RIPOR3: variants seen among roughly 807,000 people sequenced by gnomAD.
RIPOR3 encodes the protein RIPOR family member 3.
Under a neutral mutation model 114.3 loss-of-function variants are expected in RIPOR3, and 95 were observed. The ratio of observed to expected loss-of-function variants is 0.83; its 90% confidence interval spans 0.70 to 0.99. RIPOR3 has a LOEUF of 0.99. Ranked by LOEUF, RIPOR3 falls within the 50% of genes least tolerant of loss-of-function variation. RIPOR3 has a pLI of 0.00. For synonymous variants in RIPOR3, 575 were observed against 543.8 expected (o/e 1.06, Z -0.80); for missense variants, 1,252 against 1,266.9 (o/e 0.99, Z 0.18).
Position 50,589,763 on chromosome 20 carries a change from G to A in RIPOR3, c.2584C>T (p.Leu862=). 1.2e-6 allele frequency: 2 copies of A among 1,613,034 alleles called. No homozygotes were observed. The highest frequency in any genetic ancestry group is 1.1e-5 in the South Asian group (1 of 90,902). ...TCTGCCAGGGCGTTGGTGTAGAACA[G>A]CAAAGCCTGGGGAGAGTAAGGAGGC... ...RNRSFREKAL[L]FYTNALAEND... The change falls in exon 20 of 22, where the codon CTG becomes TTG. Residue 862 remains leucine (L), a synonymous_variant. Coordinates refer to ENST00000327979, the MANE Select transcript of RIPOR3 (RefSeq NM_001290268.2).
chr20:50,606,727 C>CT lies in RIPOR3; in HGVS notation c.956+1661dup, dbSNP rs55820806. On this transcript the variant is annotated intron_variant, in intron 11 of 21. Coordinates refer to ENST00000327979, the MANE Select transcript of RIPOR3 (RefSeq NM_001290268.2). ...CCCACCCTGTGGAGTGCTTTCTTGCCTTTTTTTTTTTTCTTTTTCTCTGAG... is the reference window on the plus strand; with the variant it reads ...CCCACCCTGTGGAGTGCTTTCTTGCCTTTTTTTTTTTTTCTTTTTCTCTGAG... Among the ~76,000 whole-genome samples the CT allele has an allele frequency of 4.2e-3, 614 of 147,512 alleles. 4 individuals are homozygous for CT. The highest frequency in any genetic ancestry group is 0.014 in the African/African-American group (545 of 40,144).
At chr20:50,667,785 G>A (rs753840249) in intron 1 of RIPOR3, among the ~76,000 whole-genome samples, 1 of 152,208 alleles carries the variant, frequency 6.6e-6, no homozygotes, top group Admixed American at 6.5e-5. Flanking sequence ...CACAGCAGCC[G>A]TGGGAGTCAG....
intron 1 of RIPOR3, among the ~76,000 whole-genome samples, chr20:50,675,359 C>T: frequency 6.6e-6 from 1 of 152,190 alleles, no homozygotes; most frequent in East Asian, 1.9e-4. Context: ...GCACTAGGTT[C>T]TCTGCATTAT....
intron 1 of RIPOR3, among the ~76,000 whole-genome samples, chr20:50,688,899 A>G (rs1040705492): frequency 2.6e-5 from 4 of 152,152 alleles, no homozygotes; most frequent in African/African-American, 9.7e-5. Flanking sequence ...GGGAGCACTG[A>G]GGTTCTGATG....
intron 1 of RIPOR3, among the ~76,000 whole-genome samples, chr20:50,666,196 T>TTCCTTTCCTTCC: frequency 9.4e-6 from 1 of 106,778 alleles, no homozygotes; most frequent in African/African-American, 4.2e-5. Context: ...TCTTTTCTTT[T>TTCCTTTCCTTCC]CTTTTCTTTT....
At chr20:50,614,023 T>TTTCATTCATTCA (rs531219183) in intron 4 of RIPOR3, among the ~76,000 whole-genome samples, 21 of 151,934 alleles carry the variant, frequency 1.4e-4, no homozygotes, top group African/African-American at 4.6e-4. Flanking sequence ...TGCTTGCTTA[T>TTTCATTCATTCA]TTCATTCATT....
intron 1 of RIPOR3, among the ~76,000 whole-genome samples, chr20:50,687,076 G>C (rs957655214): frequency 6.6e-6 from 1 of 152,194 alleles, no homozygotes; most frequent in Non-Finnish European, 1.5e-5. Context: ...TTTCTGTTAG[G>C]GCATCATTCG....
intron 1 of RIPOR3, among the ~76,000 whole-genome samples, chr20:50,685,015 A>G (rs2086967925): frequency 6.6e-6 from 1 of 152,098 alleles, no homozygotes; most frequent in African/African-American, 2.4e-5. Flanking sequence ...CCTGGTCTCA[A>G]GCGATCCTCC....
At chr20:50,687,975 A>G (rs1222186370) in intron 1 of RIPOR3, among the ~76,000 whole-genome samples, 1 of 152,070 alleles carries the variant, frequency 6.6e-6, no homozygotes, top group Non-Finnish European at 1.5e-5. Flanking sequence ...AAAACTTACA[A>G]TACCTTTTCT....
At chr20:50,646,452 T>G (rs1448708776) in intron 1 of RIPOR3, among the ~76,000 whole-genome samples, 2 of 152,166 alleles carry the variant, frequency 1.3e-5, no homozygotes, top group African/African-American at 4.8e-5. Context: ...CAACTTTAAG[T>G]CAGATGGTTA....
rs11471486 is a variant in RIPOR3 at position 50,665,421 on chromosome 20, C to CTTTTTTTTTTTT, written c.3+25693_3+25704dup. Among the ~76,000 whole-genome samples the CTTTTTTTTTTTT allele has an allele frequency of 1.9e-4, 20 of 107,832 alleles. 1 individual carries two copies. Among genetic ancestry groups the CTTTTTTTTTTTT allele is most frequent in the East Asian group, 6.3e-4 (2 of 3,168 alleles). 70.7% of individuals were successfully genotyped at this position (107,832 alleles called of 152,430 possible). On this transcript the variant is annotated intron_variant, in intron 1 of 21. Coordinates refer to ENST00000327979, the MANE Select transcript of RIPOR3 (RefSeq NM_001290268.2). ...TACCTTGGCTCAGAGCCCCCTCTTCCTTTTTTTTTTTTTTTTTGAGATGGA... is the reference window on the plus strand; with the variant it reads ...TACCTTGGCTCAGAGCCCCCTCTTCCTTTTTTTTTTTTTTTTTTTTTTTTTTTTTGAGATGGA...
intron 1 of RIPOR3, among the ~76,000 whole-genome samples, chr20:50,639,957 C>T (rs2085128988): frequency 6.6e-6 from 1 of 151,906 alleles, no homozygotes; most frequent in Non-Finnish European, 1.5e-5. Context: ...CATCTCCAGA[C>T]ACTGCCACAC....
At chr20:50,604,115 G>T (rs1300721787) in intron 12 of RIPOR3, among the ~76,000 whole-genome samples, 1 of 151,864 alleles carries the variant, frequency 6.6e-6, no homozygotes, top group Non-Finnish European at 1.5e-5. Context: ...CTGGGAGGAG[G>T]TGGAGGTTGC....
intron 1 of RIPOR3, among the ~76,000 whole-genome samples, chr20:50,684,042 T>A (rs1419421189): frequency 2.0e-5 from 3 of 151,792 alleles, no homozygotes; most frequent in Non-Finnish European, 4.4e-5. Flanking sequence ...GATTACACCA[T>A]TGTACTCCAT....
At chr20:50,616,164 G>T (rs554171825) in intron 3 of RIPOR3, 84 bp from the exon 4 acceptor site, 3 of 1,382,848 alleles carry the variant, frequency 2.2e-6, no homozygotes, top group Non-Finnish European at 3.0e-6. Flanking sequence ...ATGTCCCCAC[G>T]TGGAGAGCAG....
chr20:50,648,792 C>T (rs2085504055), intron 1 of RIPOR3, among the ~76,000 whole-genome samples: 1 of 151,988 alleles, frequency 6.6e-6, no homozygotes, highest in South Asian at 2.1e-4. Flanking sequence ...GGTTCGTGCT[C>T]CTGTGAGAAT....
At chr20:50,623,260 T>TAA (rs57108911) in intron 2 of RIPOR3, among the ~76,000 whole-genome samples, 19 of 113,284 alleles carry the variant, frequency 1.7e-4, no homozygotes, top group Middle Eastern at 5.0e-3. Flanking sequence ...AACTCTGCCT[T>TAA]AAAAAAAAAA....
rs955504207 is a variant in RIPOR3, at chr20:50,597,335, C to T, written c.1790+245G>A. 7 of 529,306 alleles carry T rather than the reference C, an allele frequency of 1.3e-5. No individual in the cohort carries two copies. In the African/African-American group the frequency reaches 1.3e-4, roughly 10 times the overall value. The allele number at this position is 529,306 out of a possible 1,614,324, so 32.8% of individuals were successfully genotyped here. A position where few individuals can be genotyped will look rare whatever the true frequency, so the allele number is the denominator to read the frequency against. On this transcript the variant is annotated intron_variant, in intron 14 of 21. Transcript: ENST00000327979. ...AAAAAATAATACTAAAAGCTGGTTC[C>T]TTGGAGCAGAAGGCTCAGGGGCAGG...
intron 1 of RIPOR3, among the ~76,000 whole-genome samples, chr20:50,683,206 G>T (rs146313466): frequency 6.6e-6 from 1 of 152,324 alleles, no homozygotes; most frequent in African/African-American, 2.4e-5. Flanking sequence ...GCTAAACACA[G>T]AATTCAAGAT....
Sources: allele counts gnomAD v4.1 joint callset (sites outside exome capture counted in the v4.1 genomes callset), GRCh38; gene constraint gnomAD v4.1.1; transcripts MANE v1.5; gene names NCBI Gene and HGNC (gene_info 2026-07-23, HGNC 2026-07-21).